BNC2: variants seen among roughly 807,000 people sequenced by gnomAD.
The protein encoded by BNC2 is zinc finger protein basonuclin-2.
BNC2 carries 20 observed loss-of-function variants against 76.3 expected under a neutral mutation model. That is an observed-to-expected ratio of 0.26 (90% CI 0.18 to 0.38). The LOEUF (loss-of-function observed/expected upper bound fraction) is 0.38, where lower values mean the gene tolerates loss of function less well. BNC2 is among the 10% of genes least tolerant of loss of function. The pLI is 1.00. For synonymous variants in BNC2, 582 were observed against 514.8 expected (o/e 1.13, Z -1.77); for missense variants, 1,382 against 1,399.8 (o/e 0.99, Z 0.20).
At chr9:16,653,519 T>C (rs554334469) in intron 3 of BNC2, among the ~76,000 whole-genome samples, 2 of 152,194 alleles carry the variant, frequency 1.3e-5, no homozygotes, top group South Asian at 4.1e-4. Context: ...ACACGCTCCC[T>C]CCAAGAATCC....
intron 5 of BNC2, among the ~76,000 whole-genome samples, chr9:16,441,205 G>C (rs1430317370): frequency 6.6e-6 from 1 of 152,176 alleles, no homozygotes; most frequent in Non-Finnish European, 1.5e-5. Flanking sequence ...TTGGGAGTTT[G>C]AGGTGGAAGG....
At chr9:16,614,981 A>AGCC (rs1563864390) in intron 3 of BNC2, among the ~76,000 whole-genome samples, 1 of 6,214 alleles carries the variant, frequency 1.6e-4, no homozygotes, top group Non-Finnish European at 1.2e-3. Flanking sequence ...AAAAAAAAAA[A>AGCC]AAAAAAAAAA....
At chr9:16,572,201 G>A (rs2132866514) in intron 4 of BNC2, among the ~76,000 whole-genome samples, 1 of 152,256 alleles carries the variant, frequency 6.6e-6, no homozygotes, top group Middle Eastern at 3.4e-3. Flanking sequence ...ATCTGTTAAT[G>A]ATTAAACAAA....
chr9:16,567,233 C>G (rs1819196319), intron 4 of BNC2, among the ~76,000 whole-genome samples: 1 of 152,142 alleles, frequency 6.6e-6, no homozygotes, highest in Non-Finnish European at 1.5e-5. Flanking sequence ...ATAAGGACAA[C>G]AGCTGAGATT....
Position 16,608,074 on chromosome 9 carries a change from T to C in BNC2, c.331-24989A>G, listed in dbSNP as rs888844710. ...AGAAATTTGAGACATCAAATTTACGTCAGGGGAGGGCAGGCTCAAAAAGAG... is the reference window on the plus strand; with the variant it reads ...AGAAATTTGAGACATCAAATTTACGCCAGGGGAGGGCAGGCTCAAAAAGAG... On this transcript the variant is annotated intron_variant, in intron 3 of 6. Transcript: ENST00000380672. Among the ~76,000 whole-genome samples, 9 of 152,180 alleles carry C rather than the reference T, an allele frequency of 5.9e-5. 1 individual carries two copies. The East Asian group carries it at 1.7e-3, about 29-fold the overall frequency.
chr9:16,489,351 G>A (rs994084833), intron 5 of BNC2, among the ~76,000 whole-genome samples: 1 of 152,198 alleles, frequency 6.6e-6, no homozygotes, highest in Non-Finnish European at 1.5e-5. Flanking sequence ...CATGTGGCTA[G>A]TGGCTACTGT....
chr9:16,838,539 C>T (rs1024280022), intron 1 of BNC2, among the ~76,000 whole-genome samples: 1 of 152,146 alleles, frequency 6.6e-6, no homozygotes, highest in Non-Finnish European at 1.5e-5. Flanking sequence ...CCAGCCTGGA[C>T]AACAAGAGCG....
At position 16,634,408 on chromosome 9, in the gene BNC2, G is replaced by A. The variant is rs566494622; in HGVS notation, c.331-51323C>T. Among the ~76,000 whole-genome samples, 9 of 151,998 alleles carry A rather than the reference G, an allele frequency of 5.9e-5. No homozygotes were observed. In the South Asian group the frequency reaches 8.3e-4, roughly 14 times the overall value. On this transcript the variant is annotated intron_variant, in intron 3 of 6. Transcript: ENST00000380672. Reference sequence around the variant, plus strand: ...ATTAGTCACATGAAGTCTGGATACTGTCTGGTGACAAATAGGTAAACCAAA... The same window carrying A: ...ATTAGTCACATGAAGTCTGGATACTATCTGGTGACAAATAGGTAAACCAAA...
intron 4 of BNC2, among the ~76,000 whole-genome samples, chr9:16,572,208 C>A (rs1332501589): frequency 6.6e-6 from 1 of 152,194 alleles, no homozygotes; most frequent in African/African-American, 2.4e-5. Context: ...AATGATTAAA[C>A]AAATTTAACT....
At chr9:16,638,142 C>T (rs910978918) in intron 3 of BNC2, among the ~76,000 whole-genome samples, 4 of 152,170 alleles carry the variant, frequency 2.6e-5, no homozygotes, top group Non-Finnish European at 5.9e-5. Context: ...TAGGAACAAG[C>T]TTTCTCGTGA....
At chr9:16,669,987 T>A (rs553301823) in intron 3 of BNC2, among the ~76,000 whole-genome samples, 38 of 152,318 alleles carry the variant, frequency 2.5e-4, no homozygotes, top group African/African-American at 8.9e-4. Context: ...TTTAAAAACA[T>A]ATAATAATTG....
Position 16,709,859 on chromosome 9 carries a change from G to C in BNC2, c.330+17938C>G, listed in dbSNP as rs572132242. ...ATAAATAGAAGAGAGTAGGTTTCAA[G>C]AAAGTGTTTTAATTAAGATTATGTC... On this transcript the variant is annotated intron_variant, in intron 3 of 6. Coordinates refer to ENST00000380672, the MANE Select transcript of BNC2 (RefSeq NM_017637.6). Among the ~76,000 whole-genome samples, 12 of 152,262 alleles carry C rather than the reference G, an allele frequency of 7.9e-5. No homozygotes were observed. In the South Asian group the frequency reaches 2.5e-3, roughly 32 times the overall value.
chr9:16,860,539 A>G (rs912841744), intron 1 of BNC2, among the ~76,000 whole-genome samples: 1 of 152,234 alleles, frequency 6.6e-6, no homozygotes, highest in Admixed American at 6.5e-5. Context: ...GTTAATCCAA[A>G]TGGATTAAAG....
rs984613926 is a variant in BNC2, at chr9:16,436,220, A to G, written c.1974T>C (p.Asp658=). The change falls in exon 6 of 7, where the codon GAT becomes GAC. Residue 658 remains aspartate, a synonymous_variant. Coordinates refer to ENST00000380672, the MANE Select transcript of BNC2 (RefSeq NM_017637.6). ...CCACAGCTCCACCATCATTGGGGTCATCATCTTCATCATCAAACTCATCGG... is the reference window on the plus strand; with the variant it reads ...CCACAGCTCCACCATCATTGGGGTCGTCATCTTCATCATCAAACTCATCGG... ...DTADEFDDED[D]DPNDGGAVVN... 1.2e-5 allele frequency: 19 copies of G among 1,614,016 alleles called. No individual in the cohort carries two copies. The highest frequency in any genetic ancestry group is 1.5e-5 in the Non-Finnish European group (18 of 1,180,040).
chr9:16,726,684 AT>A (rs1824333745), intron 3 of BNC2: 1 of 152,008 alleles, frequency 6.6e-6, no homozygotes, highest in Non-Finnish European at 1.5e-5. Context: ...TGCTGTGTGG[AT>A]GATAATATCA....
intron 3 of BNC2, among the ~76,000 whole-genome samples, chr9:16,621,821 T>G (rs1013962273): frequency 6.6e-6 from 1 of 152,036 alleles, no homozygotes; most frequent in African/African-American, 2.4e-5. Context: ...GAAAAGAAAA[T>G]GTCTCGATAA....
At chr9:16,811,730 C>T (rs1232598538) in intron 1 of BNC2, among the ~76,000 whole-genome samples, 1 of 152,094 alleles carries the variant, frequency 6.6e-6, no homozygotes, top group Non-Finnish European at 1.5e-5. Flanking sequence ...TGTGGAGGCA[C>T]TCCAAAAACG....
At chr9:16,440,137 C>G (rs1030750061) in intron 5 of BNC2, among the ~76,000 whole-genome samples, 5 of 152,278 alleles carry the variant, frequency 3.3e-5, no homozygotes, top group Non-Finnish European at 5.9e-5. Context: ...ATCGTAACTT[C>G]CAGAGCTCAG....
At chr9:16,490,639 G>C (rs187237155) in intron 5 of BNC2, among the ~76,000 whole-genome samples, 619 of 152,248 alleles carry the variant, frequency 4.1e-3, no homozygotes, top group Non-Finnish European at 7.2e-3. Flanking sequence ...GCACCTAGAG[G>C]GAAGGGACCC....
Sources: gnomAD v4.1 joint callset for allele counts (sites outside exome capture counted in the v4.1 genomes callset) on GRCh38, gnomAD v4.1.1 for gene constraint, MANE v1.5 for transcripts, NCBI Gene and HGNC (gene_info 2026-07-23, HGNC 2026-07-21) for gene names.